The following HNF1B variants were observed in gnomAD, a reference collection of about 807,000 sequenced individuals.
HNF1B encodes HNF1 homeobox B.
A neutral mutation model predicts 61.7 loss-of-function variants in HNF1B; 8 were observed. The ratio of observed to expected loss-of-function variants is 0.13; its 90% CI spans 0.08 to 0.23. HNF1B has a LOEUF of 0.23. Among genes scored for constraint, HNF1B ranks in the 10% least tolerant of loss-of-function variants. The probability of loss-of-function intolerance (pLI) is 1.00; values close to 1 mark genes in which losing one functional copy is unlikely to be tolerated. For synonymous variants in HNF1B, 314 were observed against 287.7 expected (o/e 1.09, Z -0.93); for missense variants, 562 against 714.5 (o/e 0.79, Z 2.43).
chr17:37,739,319 T>G (rs762504552), intron 2 of HNF1B, 121 bp downstream of exon 2: 1 of 920,148 alleles, frequency 1.1e-6, no homozygotes, highest in South Asian at 1.3e-5. Context: ...ACTTGCCACC[T>G]TCCTCATATC....
At chr17:37,688,122 T>C (rs913686895) in intron 8 of HNF1B, among the ~76,000 whole-genome samples, 2 of 152,194 alleles carry the variant, frequency 1.3e-5, no homozygotes, top group African/African-American at 4.8e-5. Context: ...GATGCCATCC[T>C]TGTGGGTGGG....
intron 1 of HNF1B, among the ~76,000 whole-genome samples, chr17:37,741,816 T>C (rs186714998): frequency 3.7e-4 from 56 of 152,222 alleles, no homozygotes; most frequent in Admixed American, 2.7e-3. Context: ...AACAGTGAAT[T>C]AGCCCAACAA....
At chr17:37,724,919 TG>T (rs2033444163) in intron 4 of HNF1B, among the ~76,000 whole-genome samples, 1 of 136,244 alleles carries the variant, frequency 7.3e-6, no homozygotes, top group East Asian at 2.2e-4. Flanking sequence ...TGTGTGTGTG[TG>T]TGTGTGTGTG....
intron 6 of HNF1B, among the ~76,000 whole-genome samples, chr17:37,703,456 GGAAA>G (rs1391419193): frequency 6.6e-6 from 1 of 152,072 alleles, no homozygotes; most frequent in African/African-American, 2.4e-5. Flanking sequence ...AGCTTAGAAT[GGAAA>G]GAAAGAAGTT....
chr17:37,700,144 C>T (rs1399943899), intron 7 of HNF1B, among the ~76,000 whole-genome samples: 3 of 152,208 alleles, frequency 2.0e-5, no homozygotes, highest in Non-Finnish European at 4.4e-5. Context: ...AAATCCAGGT[C>T]TGTCTGATCT....
At chr17:37,734,777 G>A (rs1189422613) in intron 2 of HNF1B, among the ~76,000 whole-genome samples, 1 of 147,968 alleles carries the variant, frequency 6.8e-6, no homozygotes, top group East Asian at 2.0e-4. Context: ...CCTATGTTCT[G>A]GATCTTAATA....
chr17:37,708,240 C>G (rs1476338488), intron 5 of HNF1B, among the ~76,000 whole-genome samples: 1 of 152,170 alleles, frequency 6.6e-6, no homozygotes, highest in African/African-American at 2.4e-5. Flanking sequence ...AACAAGAAAA[C>G]AGACTCTTGA....
chr17:37,744,369 C>G (rs370441540), intron 1 of HNF1B, among the ~76,000 whole-genome samples, 172 bp downstream of exon 1: 340 of 152,302 alleles, frequency 2.2e-3, no homozygotes, highest in African/African-American at 7.8e-3. Context: ...AGGGTCGTCC[C>G]GCTAAGGGAT....
chr17:37,709,385 G>T (rs2032858760), intron 5 of HNF1B, among the ~76,000 whole-genome samples: 2 of 151,994 alleles, frequency 1.3e-5, no homozygotes. Flanking sequence ...GAGTAGCTGG[G>T]ATTACAGGTG....
chr17:37,722,371 C>T (rs2033345338), intron 4 of HNF1B, among the ~76,000 whole-genome samples: 1 of 152,164 alleles, frequency 6.6e-6, no homozygotes, highest in Non-Finnish European at 1.5e-5. Flanking sequence ...CCTCATTGCA[C>T]CCCTAAGGGG....
At chr17:37,704,881 C>G in intron 6 of HNF1B, 36 bp downstream of exon 6, 2 of 1,612,618 alleles carry the variant, frequency 1.2e-6, no homozygotes, top group Non-Finnish European at 8.5e-7. Flanking sequence ...CTTCTTCTCC[C>G]TGCCCCCAAG....
chr17:37,733,569 T>C lies in HNF1B; in HGVS notation c.797A>G (p.Glu266Gly). 6.2e-7 allele frequency: 1 copy of C among 1,614,160 alleles called. No homozygotes were observed. The highest frequency in any genetic ancestry group is 1.1e-5 in the South Asian group (1 of 91,080). Residue 266 changes from glutamate (E) to glycine (G), a missense_variant, in exon 3 of 9, where the codon GAG becomes GGG. Glu to Gly is a moderately conservative substitution (Grantham distance 98, BLOSUM62 -2). This residue lies in a region of HNF1B where 54 missense variants were observed against 122.1 expected (regional missense o/e 0.44). Transcript: ENST00000617811. ...PSKEEREALVEECNRAECLQR... is the reference protein window; with the variant it reads ...PSKEEREALVGECNRAECLQR... ...CTGGTGGTGTTACCTGTTGCATTCC[T>C]CCACTAAGGCCTCTCTCTCTTCCTT...
At chr17:37,701,250 G>GC in intron 6 of HNF1B, 73 bp from the exon 7 acceptor site, 3 of 1,429,082 alleles carry the variant, frequency 2.1e-6, no homozygotes, top group Admixed American at 2.0e-5. Flanking sequence ...CATCATTTGA[G>GC]CCCCCGCTCA....
intron 6 of HNF1B, among the ~76,000 whole-genome samples, 196 bp downstream of exon 6, chr17:37,704,721 C>T (rs1391687587): frequency 1.3e-5 from 2 of 152,180 alleles, no homozygotes; most frequent in African/African-American, 4.8e-5. Context: ...ATCCATTCCA[C>T]AATTTTCTCT....
rs774555080 is a variant in HNF1B, at chr17:37,701,117, G to T, written c.1400C>A (p.Ala467Glu). 2 of 1,552,474 alleles carry T rather than the reference G, an allele frequency of 1.3e-6. No individual in the cohort carries two copies. The highest frequency in any genetic ancestry group is 2.4e-5 in the East Asian group (1 of 41,230). The change falls in exon 7 of 9, where the codon GCA becomes GAA. Residue 467 changes from alanine (A) to glutamate (E), a missense_variant. Ala to Glu is a moderately radical substitution (Grantham distance 107). Coordinates refer to ENST00000617811, the MANE Select transcript of HNF1B (RefSeq NM_000458.4). ...PVINSVAGSL[A>E]ALQPVQFSQQ... ...GGAGAACTGGACGGGCTGCAGGGCT[G>T]CCAGGCTGCCGGCCACACTGTTGAT...
At chr17:37,738,724 G>A (rs2033905097) in intron 2 of HNF1B, among the ~76,000 whole-genome samples, 1 of 152,164 alleles carries the variant, frequency 6.6e-6, no homozygotes, top group African/African-American at 2.4e-5. Flanking sequence ...GAGAAATCTT[G>A]GGACAGAAAA....
At chr17:37,714,707 T>C (rs959888356) in intron 4 of HNF1B, among the ~76,000 whole-genome samples, 2 of 152,168 alleles carry the variant, frequency 1.3e-5, no homozygotes, top group African/African-American at 4.8e-5. Context: ...CAGACGCAGA[T>C]CATTCGGTTT....
intron 2 of HNF1B, among the ~76,000 whole-genome samples, chr17:37,735,801 C>G (rs1203880116): frequency 6.6e-6 from 1 of 152,124 alleles, no homozygotes; most frequent in East Asian, 1.9e-4. Context: ...CTCTGTGACC[C>G]AGGCTGGAAT....
At chr17:37,700,066 A>G (rs1389082242) in intron 7 of HNF1B, among the ~76,000 whole-genome samples, 4 of 152,184 alleles carry the variant, frequency 2.6e-5, no homozygotes, top group Non-Finnish European at 4.4e-5. Context: ...GGATGTAGAG[A>G]TTGGACTTAG....
Sources: gnomAD v4.1 joint callset for allele counts (sites outside exome capture counted in the v4.1 genomes callset) on GRCh38, gnomAD v4.1.1 for gene constraint, gnomAD v4.1.1 regional missense constraint, MANE v1.5 for transcripts, NCBI Gene and HGNC (gene_info 2026-07-23, HGNC 2026-07-21) for gene names.